CREBBP: variants seen among roughly 807,000 people sequenced by gnomAD.
CREBBP encodes CREB binding lysine acetyltransferase.
A neutral mutation model predicts 265.0 loss-of-function variants in CREBBP; 19 were observed. That is an observed-to-expected ratio of 0.07 (90% CI 0.05 to 0.11). CREBBP has a LOEUF of 0.11. Ranked by LOEUF, CREBBP falls within the 10% of genes least tolerant of loss-of-function variation. The probability of loss-of-function intolerance (pLI) is 1.00; values close to 1 mark genes in which losing one functional copy is unlikely to be tolerated. For missense variants in CREBBP, 2,525 were observed against 3,219.0 expected (o/e 0.78, Z 5.22); for synonymous variants, 1,457 against 1,223.7 (o/e 1.19, Z -3.98).
chr16:3,865,858 G>A (rs1331434100), intron 1 of CREBBP, among the ~76,000 whole-genome samples: 7 of 152,086 alleles, frequency 4.6e-5, no homozygotes, highest in Non-Finnish European at 7.4e-5. Context: ...GGACGGTCTC[G>A]ATATCCTGAC....
intron 16 of CREBBP, chr16:3,767,491 C>T (rs2052882775): frequency 1.6e-6 from 1 of 613,970 alleles, no homozygotes; most frequent in African/African-American, 1.8e-5. Flanking sequence ...CCTGGGTGCC[C>T]TCGGAGCAGC....
In CREBBP at chr16:3,728,192, G is replaced by A; in HGVS notation, c.6855C>T (p.Pro2285=). 6.2e-7 allele frequency: 1 copy of A among 1,613,934 alleles called. No individual in the cohort carries two copies. ...GQPGLGADST[P]NIQQALQQRI... ...GCTGCTGCAGGGCTTGCTGGATGTT[G>A]GGGGTGCTGTCTGCCCCCAGCCCCG... is the stretch of plus-strand genomic sequence containing the variant. Residue 2285 remains proline, a synonymous_variant, in exon 31 of 31, where the codon CCC becomes CCT. Transcript: ENST00000262367. This position sits in a 1 kb window ranked among gnomAD's most constrained non-coding sequence, Gnocchi z 8.7.
chr16:3,872,823 C>A (rs1042395547), intron 1 of CREBBP, among the ~76,000 whole-genome samples: 7 of 152,252 alleles, frequency 4.6e-5, no homozygotes, highest in Non-Finnish European at 7.3e-5. Flanking sequence ...AACAGGCAGG[C>A]TTCCCCAACT....
At chr16:3,790,676 G>A (rs546022665) in intron 5 of CREBBP, among the ~76,000 whole-genome samples, 1 of 152,114 alleles carries the variant, frequency 6.6e-6, no homozygotes, top group East Asian at 1.9e-4. Context: ...AAGGAAACTC[G>A]TTGTGGTTCT....
chr16:3,730,351 G>A (rs2051881005), intron 30 of CREBBP, among the ~76,000 whole-genome samples: 1 of 152,120 alleles, frequency 6.6e-6, no homozygotes. Flanking sequence ...GCTGAGGGAG[G>A]CCGGTCCCTC....
intron 21 of CREBBP, 22 bp from the exon 22 acceptor site, chr16:3,745,376 C>G (rs769205207): frequency 6.2e-7 from 1 of 1,611,596 alleles, no homozygotes; most frequent in Admixed American, 1.7e-5. Flanking sequence ...AGAAGGCGCA[C>G]TGTTAAAGCA....
chr16:3,824,677 C>A (rs937552501), intron 2 of CREBBP, among the ~76,000 whole-genome samples: 2 of 152,206 alleles, frequency 1.3e-5, no homozygotes, highest in East Asian at 3.8e-4. Flanking sequence ...CGAGCCCACA[C>A]GCGGCGGCAG....
At chr16:3,775,489 C>T (rs2053115770) in intron 11 of CREBBP, among the ~76,000 whole-genome samples, 1 of 152,204 alleles carries the variant, frequency 6.6e-6, no homozygotes, top group Non-Finnish European at 1.5e-5. Flanking sequence ...TAGAGAATTT[C>T]TGGAAGGTGC....
At chr16:3,775,114 A>G (rs130001) in intron 11 of CREBBP, among the ~76,000 whole-genome samples, 7,126 of 152,250 alleles carry the variant, frequency 0.047, 567 homozygotes, top group African/African-American at 0.16. Flanking sequence ...GACCAGGGCA[A>G]GCTTCTGTGC....
At chr16:3,773,552 C>T in intron 13 of CREBBP, 199 bp downstream of exon 13, 1 of 623,190 alleles carries the variant, frequency 1.6e-6, no homozygotes, top group East Asian at 2.8e-5. Context: ...TATAGTTAAC[C>T]CAGAAAGGAT....
chr16:3,807,118 G>A (rs1005508407), intron 3 of CREBBP, among the ~76,000 whole-genome samples: 1 of 152,148 alleles, frequency 6.6e-6, no homozygotes, highest in African/African-American at 2.4e-5. Flanking sequence ...GTTGCCTTCT[G>A]GGGAGCCGAC....
intron 2 of CREBBP, among the ~76,000 whole-genome samples, chr16:3,823,641 A>C (rs1296720): frequency 0.14 from 20,655 of 152,088 alleles, 1,835 homozygotes; most frequent in Non-Finnish European, 0.2. Context: ...TTGGTACCAC[A>C]AAGGTACAAT....
chr16:3,845,779 G>A (rs2054653995), intron 2 of CREBBP, among the ~76,000 whole-genome samples: 1 of 151,542 alleles, frequency 6.6e-6, no homozygotes. Flanking sequence ...CCCAGCTACT[G>A]GGGAGGCTGA....
intron 2 of CREBBP, among the ~76,000 whole-genome samples, chr16:3,839,172 C>A (rs2054515537): frequency 6.6e-6 from 1 of 152,130 alleles, no homozygotes; most frequent in Non-Finnish European, 1.5e-5. Flanking sequence ...AAATAAGTTT[C>A]CCATAGCTAA....
At chr16:3,845,727 A>T (rs1267392928) in intron 2 of CREBBP, among the ~76,000 whole-genome samples, 1 of 152,046 alleles carries the variant, frequency 6.6e-6, no homozygotes, top group Non-Finnish European at 1.5e-5. Flanking sequence ...CTCCACAAAA[A>T]AATACAAAAA....
In CREBBP at chr16:3,850,313, G is replaced by T; in HGVS notation, c.782C>A (p.Ala261Glu). 1 of 1,614,224 alleles carries T rather than the reference G, an allele frequency of 6.2e-7. No individual in the cohort carries two copies. Among genetic ancestry groups the T allele is most frequent in the Non-Finnish European group, 8.5e-7 (1 of 1,180,034 alleles). ...TGHAGLNTAQ[A>E]GGMAKMGITG... Reference sequence around the variant, plus strand: ...TTCACTTACCTTGGCCATGCCTCCTGCCTGTGCGGTGTTCAGTCCCGCGTG... The same window carrying T: ...TTCACTTACCTTGGCCATGCCTCCTTCCTGTGCGGTGTTCAGTCCCGCGTG... The change falls in exon 2 of 31, where the codon GCA becomes GAA. Residue 261 changes from alanine (A) to glutamate (E), a missense_variant. Physicochemically the swap from Ala to Glu is moderately radical, Grantham distance 107. Coordinates refer to ENST00000262367, the MANE Select transcript of CREBBP (RefSeq NM_004380.3).
At chr16:3,764,948 T>C (rs149151810) in intron 16 of CREBBP, among the ~76,000 whole-genome samples, 2 of 152,130 alleles carry the variant, frequency 1.3e-5, no homozygotes, top group African/African-American at 4.8e-5. Flanking sequence ...GTTTGGTACA[T>C]GTGTGTGGTT....
chr16:3,823,245 C>T (rs1323344455), intron 2 of CREBBP, among the ~76,000 whole-genome samples: 1 of 152,166 alleles, frequency 6.6e-6, no homozygotes, highest in African/African-American at 2.4e-5. Flanking sequence ...TCGTTCTCTA[C>T]TCAAACATTC....
intron 2 of CREBBP, among the ~76,000 whole-genome samples, chr16:3,828,639 G>T (rs918903877): frequency 2.0e-5 from 3 of 152,106 alleles, no homozygotes; most frequent in Non-Finnish European, 4.4e-5. Context: ...AGAAAATAAG[G>T]TCTTATGTAT....
Sources: gnomAD v4.1 joint callset for allele counts (sites outside exome capture counted in the v4.1 genomes callset) on GRCh38, gnomAD v4.1.1 for gene constraint, Gnocchi (gnomAD v3.1) non-coding constraint, MANE v1.5 for transcripts, NCBI Gene and HGNC (gene_info 2026-07-23, HGNC 2026-07-21) for gene names.